The following ABCC4 variants were observed in gnomAD, a reference collection of about 807,000 sequenced individuals.
ABCC4 encodes ATP binding cassette subfamily C member 4 (PEL blood group), also known as ATP-binding cassette sub-family C member 4.
Under a neutral mutation model 168.5 loss-of-function variants are expected in ABCC4, and 102 were observed. The observed-to-expected ratio is 0.61, with a 90% CI of 0.52 to 0.71. The LOEUF (loss-of-function observed/expected upper bound fraction) is 0.71. ABCC4 is among the 30% of genes least tolerant of loss of function. ABCC4 has a pLI of 0.00. For missense variants in ABCC4, 1,402 were observed against 1,605.8 expected, an observed-to-expected ratio of 0.87 and a Z score of 2.17; for synonymous variants, 617 against 590.7, an observed-to-expected ratio of 1.04 and a Z score of -0.65.
intron 1 of ABCC4, among the ~76,000 whole-genome samples, chr13:95,290,951 T>G (rs1349942971): frequency 7.4e-6 from 1 of 134,908 alleles, no homozygotes; most frequent in African/African-American, 2.9e-5. Flanking sequence ...TGAGCTGAGG[T>G]TGCGCCACTG....
At chr13:95,159,989 T>C (rs749321987) in intron 19 of ABCC4, among the ~76,000 whole-genome samples, 1 of 152,224 alleles carries the variant, frequency 6.6e-6, no homozygotes, top group Non-Finnish European at 1.5e-5. Flanking sequence ...GCTAGGAATG[T>C]ATTAACATGC....
intron 1 of ABCC4, among the ~76,000 whole-genome samples, chr13:95,262,490 T>C (rs2040556415): frequency 6.6e-6 from 1 of 152,228 alleles, no homozygotes. Context: ...TTTGTGAGTT[T>C]GCCTACTTGC....
chr13:95,247,072 C>T lies in ABCC4; in HGVS notation c.209G>A (p.Arg70Lys). Residue 70 changes from arginine (R) to lysine (K), a missense_variant, in exon 3 of 31, where the codon AGA (arginine) becomes AAA (lysine). Physicochemically the swap from Arg to Lys is conservative, Grantham distance 26. Coordinates refer to ENST00000645237, the MANE Select transcript of ABCC4 (RefSeq NM_005845.5). ...LQGFWDKEVLRAENDAQKPSL... is the reference protein window; with the variant it reads ...LQGFWDKEVLKAENDAQKPSL... ...AGGCTTCTGTGCGTCATTCTCAGCT[C>T]TTAAAACTTCTTTATCCCAGAACCT... The T allele has an allele frequency of 6.2e-7, 1 of 1,613,670 alleles. No individual in the cohort carries two copies.
Position 95,225,151 on chromosome 13 carries a change from TCTCACACACACACACACACA to T in ABCC4, c.531+9439_531+9458del, listed in dbSNP as rs1447634939. On this transcript the variant is annotated intron_variant, in intron 4 of 30. Coordinates refer to ENST00000645237, the MANE Select transcript of ABCC4 (RefSeq NM_005845.5). The stretch of plus-strand genomic sequence containing the variant: ...CTGTCTGTCTGTCTGTCTCTCTCTC[TCTCACACACACACACACACA>T]CACACACACACACACACACACACAC... Among the ~76,000 whole-genome samples the T allele has an allele frequency of 4.9e-3, 150 of 30,624 alleles. 1 individual carries two copies. Among genetic ancestry groups the T allele is most frequent in the South Asian group, 0.047 (36 of 764 alleles). 20.1% of individuals were successfully genotyped at this position (30,624 alleles called of 152,430 possible). A position where few individuals can be genotyped will look rare whatever the true frequency, so the allele number is the denominator to read the frequency against.
chr13:95,060,969 A>G (rs1451182272), intron 26 of ABCC4, among the ~76,000 whole-genome samples: 1 of 152,122 alleles, frequency 6.6e-6, no homozygotes, highest in Non-Finnish European at 1.5e-5. Flanking sequence ...TGACTAGTCT[A>G]GGTATCTCAT....
chr13:95,188,413 G>C lies in ABCC4; in HGVS notation c.1353+40C>G, dbSNP rs531870395. 5 of 1,573,326 alleles carry C rather than the reference G, an allele frequency of 3.2e-6. No homozygotes were observed. The South Asian group carries it at 5.5e-5, about 17-fold the overall frequency. ...CAAACCCACGAAGTTAATATGATAAGTGGGGTTGCAACAAGCTGCCAAAAG... is the reference window on the plus strand; with the variant it reads ...CAAACCCACGAAGTTAATATGATAACTGGGGTTGCAACAAGCTGCCAAAAG... On this transcript the variant is annotated intron_variant, in intron 10 of 30. Transcript: ENST00000645237.
chr13:95,100,969 G>C (rs533816540), intron 20 of ABCC4, among the ~76,000 whole-genome samples: 5 of 152,228 alleles, frequency 3.3e-5, no homozygotes, highest in African/African-American at 4.8e-5. Flanking sequence ...AAATGTAAGG[G>C]TCAGTGGTAC....
chr13:95,158,049 G>A (rs552281382), intron 19 of ABCC4, among the ~76,000 whole-genome samples: 1 of 149,624 alleles, frequency 6.7e-6, no homozygotes, highest in East Asian at 2.0e-4. Context: ...TCCAGCCTGG[G>A]TGACAGAGCA....
At chr13:95,178,952 T>G (rs1751006) in intron 11 of ABCC4, among the ~76,000 whole-genome samples, 5,941 of 152,148 alleles carry the variant, frequency 0.039, 385 homozygotes, top group African/African-American at 0.13. Context: ...AGGACTGCAT[T>G]GGTTTTGGTG....
chr13:95,241,892 T>C (rs1312124914), intron 3 of ABCC4, among the ~76,000 whole-genome samples: 2 of 152,146 alleles, frequency 1.3e-5, no homozygotes, highest in Non-Finnish European at 2.9e-5. Context: ...TAGGGAGTTA[T>C]GGATCCACTG....
chr13:95,064,055 T>C (rs2033400735), intron 25 of ABCC4, among the ~76,000 whole-genome samples: 1 of 152,138 alleles, frequency 6.6e-6, no homozygotes, highest in Non-Finnish European at 1.5e-5. Flanking sequence ...CCTCCATATC[T>C]GTAAAGTCAA....
chr13:95,256,147 G>A (rs2040385710), intron 1 of ABCC4, among the ~76,000 whole-genome samples: 1 of 152,184 alleles, frequency 6.6e-6, no homozygotes, highest in South Asian at 2.1e-4. Flanking sequence ...CTGGGGTGCA[G>A]CGGCATAATC....
rs757744486 is a variant in ABCC4 at position 95,177,988 on chromosome 13, G to C, written c.1640+9C>G. 1 of 1,613,968 alleles carries C rather than the reference G, an allele frequency of 6.2e-7. No homozygotes were observed. The highest frequency in any genetic ancestry group is 8.5e-7 in the Non-Finnish European group (1 of 1,179,846). On this transcript the variant is annotated intron_variant, in intron 12 of 30. Transcript: ENST00000645237. ...ACACCGGCATAGTGGCTGCTGAAAT[G>C]CAACTTACCTTGCAAGGTTTACCCG...
At chr13:95,252,841 G>C (rs2040301610) in intron 1 of ABCC4, among the ~76,000 whole-genome samples, 1 of 152,170 alleles carries the variant, frequency 6.6e-6, no homozygotes, top group South Asian at 2.1e-4. Context: ...TAAAGAGAGT[G>C]AAATAGATAC....
chr13:95,213,979 G>A (rs2039037561), intron 4 of ABCC4, among the ~76,000 whole-genome samples: 1 of 152,056 alleles, frequency 6.6e-6, no homozygotes, highest in Non-Finnish European at 1.5e-5. Flanking sequence ...AAATGATCCA[G>A]ATTTTGGAAT....
chr13:95,083,307 A>G lies in ABCC4; in HGVS notation c.2536-17T>C, dbSNP rs201236298. ...TAGCAATGTCTGAAATAGCAGAAGT[A>G]GATGCAGGTTTTCCTTATCAAGTAT... On this transcript the variant is annotated splice_polypyrimidine_tract_variant and intron_variant, in intron 20 of 30. Transcript: ENST00000645237. The G allele has an allele frequency of 8.1e-6, 13 of 1,611,180 alleles. No individual in the cohort carries two copies. The East Asian group carries it at 2.9e-4, about 36-fold the overall frequency.
chr13:95,046,627 G>A (rs1428474958), intron 27 of ABCC4, among the ~76,000 whole-genome samples: 1 of 152,082 alleles, frequency 6.6e-6, no homozygotes, highest in South Asian at 2.1e-4. Context: ...AATTAGCTGG[G>A]CATGGTGGCG....
At chr13:95,046,357 T>C (rs769222135) in intron 27 of ABCC4, among the ~76,000 whole-genome samples, 1 of 152,128 alleles carries the variant, frequency 6.6e-6, no homozygotes, top group African/African-American at 2.4e-5. Flanking sequence ...GTTATCCACA[T>C]TGACTTGATG....
chr13:95,174,627 C>T (rs145911320), intron 13 of ABCC4, among the ~76,000 whole-genome samples: 8 of 152,344 alleles, frequency 5.3e-5, no homozygotes, highest in Non-Finnish European at 1.0e-4. Context: ...GGAGCTTGTG[C>T]GATACGCACA....
Sources: allele counts gnomAD v4.1 joint callset (sites outside exome capture counted in the v4.1 genomes callset), GRCh38; gene constraint gnomAD v4.1.1; transcripts MANE v1.5; gene names NCBI Gene and HGNC (gene_info 2026-07-23, HGNC 2026-07-21).